Variants in ERC2 observed in about 807,000 individuals in gnomAD.
The protein encoded by ERC2 is ERC protein 2.
ERC2 carries 42 observed loss-of-function variants against 114.8 expected under a neutral mutation model. The observed-to-expected ratio is 0.37, with a 90% confidence interval of 0.29 to 0.47. ERC2 has a LOEUF of 0.47. Ranked by LOEUF, ERC2 falls within the 20% of genes least tolerant of loss-of-function variation. ERC2 has a pLI of 0.99. For missense variants in ERC2, 939 were observed against 1,150.7 expected (o/e 0.82, Z 2.66); for synonymous variants, 454 against 425.5 (o/e 1.07, Z -0.82).
intron 4 of ERC2, among the ~76,000 whole-genome samples, chr3:56,171,980 A>C (rs1209400545): frequency 4.7e-5 from 7 of 149,384 alleles, no homozygotes; most frequent in Admixed American, 1.3e-4. Context: ...TGCAAAAACA[A>C]AAAACAAAAA....
intron 17 of ERC2, among the ~76,000 whole-genome samples, chr3:55,661,958 C>T (rs1186279988): frequency 6.6e-6 from 1 of 152,126 alleles, no homozygotes; most frequent in Non-Finnish European, 1.5e-5. Flanking sequence ...TTAATAAAGT[C>T]CATACCATTT....
At chr3:56,343,792 A>C (rs967642240) in intron 2 of ERC2, among the ~76,000 whole-genome samples, 1 of 152,186 alleles carries the variant, frequency 6.6e-6, no homozygotes, top group African/African-American at 2.4e-5. Flanking sequence ...TCTAAATTAA[A>C]TTACCATTCC....
chr3:55,927,495 G>A (rs866079861), intron 13 of ERC2, among the ~76,000 whole-genome samples: 9 of 151,860 alleles, frequency 5.9e-5, no homozygotes, highest in African/African-American at 1.9e-4. Context: ...ATATTTATGG[G>A]GTATATGAGA....
intron 3 of ERC2, among the ~76,000 whole-genome samples, chr3:56,182,726 CCCCCGTTTCACCACTTGG>C (rs2083354981): frequency 6.6e-6 from 1 of 152,190 alleles, no homozygotes; most frequent in South Asian, 2.1e-4. Flanking sequence ...CCCTACACTG[CCCCCGTTTCACCACTTGG>C]CTTTGAGTTG....
intron 14 of ERC2, among the ~76,000 whole-genome samples, chr3:55,873,824 T>G (rs1417308046): frequency 6.6e-6 from 1 of 152,078 alleles, no homozygotes; most frequent in Non-Finnish European, 1.5e-5. Flanking sequence ...CATCTCAGGG[T>G]GCCTTCAGGA....
At chr3:56,197,421 C>A (rs1329976839) in intron 3 of ERC2, among the ~76,000 whole-genome samples, 2 of 152,164 alleles carry the variant, frequency 1.3e-5, no homozygotes, top group Non-Finnish European at 2.9e-5. Context: ...GTTTTATAGG[C>A]CAAGCCTGGA....
chr3:55,550,293 C>G (rs1400588138), intron 17 of ERC2, among the ~76,000 whole-genome samples: 1 of 152,170 alleles, frequency 6.6e-6, no homozygotes, highest in East Asian at 1.9e-4. Flanking sequence ...TCCTTTCCTT[C>G]AAAGCCCTTA....
intron 16 of ERC2, among the ~76,000 whole-genome samples, chr3:55,693,929 G>A (rs767430716): frequency 1.5e-4 from 23 of 152,042 alleles, no homozygotes; most frequent in African/African-American, 9.7e-5. Context: ...GGCTCGTCTC[G>A]AACTCCTGAC....
rs367859231 is a variant in ERC2 at position 55,743,593 on chromosome 3, C to CAAA, written c.2565-8678_2565-8676dup. The stretch of plus-strand genomic sequence containing the variant: ...GCTCATTACTATGTGCCTGATCCAC[C>CAAA]AAAAAAAAAAAAAAAAAAAAGAAAC... On this transcript the variant is annotated intron_variant, in intron 14 of 17. Transcript: ENST00000288221. Among the ~76,000 whole-genome samples, 297 of 96,994 alleles carry CAAA rather than the reference C, an allele frequency of 3.1e-3. 1 individual carries two copies. The highest frequency in any genetic ancestry group is 0.023 in the East Asian group (76 of 3,318). The allele number at this position is 96,994 out of a possible 152,430, so 63.6% of individuals were successfully genotyped here.
At chr3:56,180,032 G>A (rs2150041253) in intron 3 of ERC2, among the ~76,000 whole-genome samples, 1 of 152,224 alleles carries the variant, frequency 6.6e-6, no homozygotes, top group East Asian at 1.9e-4. Flanking sequence ...CAGCAAAGGA[G>A]CCTGAGAAGG....
At chr3:55,799,398 T>TATATATATGCCTTATATATATGC (rs2070799016) in intron 14 of ERC2, among the ~76,000 whole-genome samples, 1 of 99,514 alleles carries the variant, frequency 1.0e-5, no homozygotes, top group African/African-American at 4.2e-5. Flanking sequence ...TATATATGCA[T>TATATATATGCCTTATATATATGC]ATATATATAT....
intron 17 of ERC2, among the ~76,000 whole-genome samples, chr3:55,652,680 T>A (rs2060679627): frequency 6.6e-6 from 1 of 152,020 alleles, no homozygotes; most frequent in South Asian, 2.1e-4. Context: ...GAGACCAACC[T>A]GGCCAACATA....
intron 6 of ERC2, among the ~76,000 whole-genome samples, chr3:56,114,072 G>A (rs1459107332): frequency 6.6e-6 from 1 of 152,200 alleles, no homozygotes; most frequent in Non-Finnish European, 1.5e-5. Context: ...CAAAACAGGA[G>A]TTCATGCCAA....
intron 7 of ERC2, among the ~76,000 whole-genome samples, chr3:56,028,339 T>C (rs1379968273): frequency 6.6e-6 from 1 of 152,120 alleles, no homozygotes; most frequent in Non-Finnish European, 1.5e-5. Flanking sequence ...ATCAAAACCC[T>C]TTGGTGGGAT....
At chr3:55,539,611 TAG>T (rs1216328516) in intron 17 of ERC2, among the ~76,000 whole-genome samples, 1 of 151,474 alleles carries the variant, frequency 6.6e-6, no homozygotes, top group Non-Finnish European at 1.5e-5. Context: ...GTAATTTTAG[TAG>T]AGACAGGGTT....
intron 7 of ERC2, among the ~76,000 whole-genome samples, chr3:56,073,770 T>A (rs2076849990): frequency 6.6e-6 from 1 of 152,178 alleles, no homozygotes; most frequent in Admixed American, 6.5e-5. Flanking sequence ...TTTTGAGGTC[T>A]CAGTCCTTTA....
intron 12 of ERC2, among the ~76,000 whole-genome samples, chr3:55,963,797 A>G (rs1321160726): frequency 6.6e-6 from 1 of 152,074 alleles, no homozygotes; most frequent in African/African-American, 2.4e-5. Context: ...GTGAAAATTG[A>G]CCCCCTGGGG....
chr3:55,802,253 C>T (rs774649813), intron 14 of ERC2, among the ~76,000 whole-genome samples: 4 of 152,120 alleles, frequency 2.6e-5, no homozygotes, highest in Non-Finnish European at 4.4e-5. Context: ...TTCCTTTTCC[C>T]AACAAATGCT....
rs533502447 is a variant in ERC2 at position 56,067,783 on chromosome 3, A to G, written c.1641+13034T>C. On this transcript the variant is annotated intron_variant, in intron 7 of 17. Coordinates refer to ENST00000288221, the MANE Select transcript of ERC2 (RefSeq NM_015576.3). ...GAATTTTATCAAAGGCCTTTTCTGC[A>G]TCTATTGAGATAATCACGTGGTTTT... Among the ~76,000 whole-genome samples the G allele has an allele frequency of 8.5e-5, 13 of 152,318 alleles. No individual in the cohort carries two copies. The South Asian group carries it at 2.7e-3, about 32-fold the overall frequency.
Sources: allele counts gnomAD v4.1 joint callset (sites outside exome capture counted in the v4.1 genomes callset), GRCh38; gene constraint gnomAD v4.1.1; transcripts MANE v1.5; gene names NCBI Gene and HGNC (gene_info 2026-07-23, HGNC 2026-07-21).